MPP7: variants seen among roughly 807,000 people sequenced by gnomAD.
MPP7 encodes MAGUK p55 scaffold protein 7.
In MPP7, 60 loss-of-function variants were observed where a neutral mutation model predicts 76.5. That is an observed-to-expected ratio of 0.78 (90% CI 0.64 to 0.97). The LOEUF (loss-of-function observed/expected upper bound fraction) is 0.97, where lower values mean the gene tolerates loss of function less well. MPP7 is among the 50% of genes least tolerant of loss of function. The pLI is 0.00. For synonymous variants in MPP7, 237 were observed against 244.5 expected (o/e 0.97, Z 0.29); for missense variants, 641 against 694.0 (o/e 0.92, Z 0.86).
intron 8 of MPP7, among the ~76,000 whole-genome samples, chr10:28,121,992 G>A (rs897341915): frequency 6.6e-6 from 1 of 152,190 alleles, no homozygotes; most frequent in Non-Finnish European, 1.5e-5. Context: ...AACACAGCAA[G>A]TTAAGTAAAA....
intron 8 of MPP7, among the ~76,000 whole-genome samples, chr10:28,122,079 C>T (rs1834860826): frequency 6.6e-6 from 1 of 152,150 alleles, no homozygotes; most frequent in Non-Finnish European, 1.5e-5. Flanking sequence ...ATTGCTATTG[C>T]TTATTGTAGA....
intron 1 of MPP7, among the ~76,000 whole-genome samples, chr10:28,266,853 G>C (rs1840164438): frequency 1.3e-5 from 2 of 152,184 alleles, no homozygotes; most frequent in Non-Finnish European, 2.9e-5. Context: ...TTAACTTTAT[G>C]TCTCTAGTTT....
At chr10:28,334,358 A>T (rs981903685) in intron 1 of MPP7, 4 of 152,218 alleles carry the variant, frequency 2.6e-5, no homozygotes, top group Non-Finnish European at 5.9e-5. Flanking sequence ...GAATAACGTG[A>T]TCTGGACAAA....
At chr10:28,293,553 G>C (rs966824516) in intron 1 of MPP7, among the ~76,000 whole-genome samples, 1 of 152,232 alleles carries the variant, frequency 6.6e-6, no homozygotes, top group African/African-American at 2.4e-5. Flanking sequence ...CATGAATGGG[G>C]ATAGGTGATG....
At chr10:28,085,001 C>T (rs772700563) in intron 12 of MPP7, among the ~76,000 whole-genome samples, 2 of 152,188 alleles carry the variant, frequency 1.3e-5, no homozygotes, top group African/African-American at 2.4e-5. Context: ...TGAACATAAA[C>T]GCTTTCACTA....
intron 6 of MPP7, among the ~76,000 whole-genome samples, chr10:28,127,304 G>GA (rs563625684): frequency 1.8e-3 from 271 of 152,060 alleles, no homozygotes; most frequent in Non-Finnish European, 3.1e-3. Context: ...TGATGAAAAA[G>GA]AAAAAAATGT....
intron 11 of MPP7, among the ~76,000 whole-genome samples, chr10:28,102,941 C>T (rs1853893548): frequency 6.6e-6 from 1 of 152,196 alleles, no homozygotes; most frequent in African/African-American, 2.4e-5. Flanking sequence ...GCTTAGAGCC[C>T]TTCAATGATC....
At chr10:28,211,174 C>A (rs1838121501) in intron 2 of MPP7, among the ~76,000 whole-genome samples, 1 of 152,036 alleles carries the variant, frequency 6.6e-6, no homozygotes, top group African/African-American at 2.4e-5. Flanking sequence ...TCACAGCTCA[C>A]TGCAACCTTG....
chr10:28,211,162 G>A (rs1216232782), intron 2 of MPP7, among the ~76,000 whole-genome samples: 5 of 151,684 alleles, frequency 3.3e-5, no homozygotes, highest in African/African-American at 1.2e-4. Context: ...GCAGTGGCAC[G>A]GTCACAGCTC....
At chr10:28,065,124 A>G (rs570412285) in intron 13 of MPP7, among the ~76,000 whole-genome samples, 2 of 152,178 alleles carry the variant, frequency 1.3e-5, no homozygotes, top group Non-Finnish European at 2.9e-5. Flanking sequence ...CAAATTGAGA[A>G]TTTTCTGTGC....
intron 12 of MPP7, among the ~76,000 whole-genome samples, chr10:28,080,009 C>A (rs778862955): frequency 8.4e-6 from 1 of 118,424 alleles, no homozygotes; most frequent in Non-Finnish European, 1.6e-5. Context: ...ATAATCCCAG[C>A]GGAAGAATGG....
At chr10:28,074,657 T>G (rs1044882449) in intron 12 of MPP7, among the ~76,000 whole-genome samples, 14 of 152,298 alleles carry the variant, frequency 9.2e-5, no homozygotes, top group African/African-American at 3.4e-4. Flanking sequence ...TAGAGATTGC[T>G]CTCCCTGAAT....
upstream of MPP7, among the ~76,000 whole-genome samples, chr10:28,335,115 T>A (rs1144517): frequency 6.6e-6 from 1 of 152,102 alleles, no homozygotes; most frequent in Non-Finnish European, 1.5e-5. Flanking sequence ...AGATCTTAGT[T>A]CCTCATGGCA....
intron 1 of MPP7, among the ~76,000 whole-genome samples, chr10:28,259,856 C>T (rs1839895554): frequency 6.6e-6 from 1 of 151,432 alleles, no homozygotes; most frequent in South Asian, 2.1e-4. Flanking sequence ...GGTGGTGTGC[C>T]CCTGTAATGC....
chr10:28,287,271 G>A (rs926889649), intron 1 of MPP7, among the ~76,000 whole-genome samples: 8 of 151,976 alleles, frequency 5.3e-5, no homozygotes, highest in Non-Finnish European at 7.4e-5. Flanking sequence ...ATATGCAGAC[G>A]GTTAATAAGA....
intron 1 of MPP7, among the ~76,000 whole-genome samples, chr10:28,267,205 C>T (rs1184984656): frequency 1.3e-5 from 2 of 152,128 alleles, no homozygotes; most frequent in African/African-American, 4.8e-5. Flanking sequence ...AAGCAGAGAC[C>T]ACTGGACCTG....
At chr10:28,280,230 T>A (rs1186892234) in intron 1 of MPP7, 1 of 152,072 alleles carries the variant, frequency 6.6e-6, no homozygotes, top group Non-Finnish European at 1.5e-5. Context: ...TATACAGTCG[T>A]TCCTCTGTAT....
intron 2 of MPP7, among the ~76,000 whole-genome samples, chr10:28,224,691 C>T (rs935833167): frequency 6.6e-6 from 1 of 152,084 alleles, no homozygotes; most frequent in African/African-American, 2.4e-5. Context: ...TTTCTTCCAT[C>T]CATTACTATT....
chr10:28,275,473 C>G (rs1840465051), intron 1 of MPP7, among the ~76,000 whole-genome samples: 1 of 151,422 alleles, frequency 6.6e-6, no homozygotes, highest in African/African-American at 2.4e-5. Flanking sequence ...ATGGCGCAAT[C>G]TCCGTTCACT....
Sources: gnomAD v4.1 joint callset for allele counts (sites outside exome capture counted in the v4.1 genomes callset) on GRCh38, gnomAD v4.1.1 for gene constraint, MANE v1.5 for transcripts, NCBI Gene and HGNC (gene_info 2026-07-23, HGNC 2026-07-21) for gene names.